Variants in DCC observed in about 807,000 individuals in gnomAD.
DCC encodes netrin receptor DCC.
A neutral mutation model predicts 172.5 loss-of-function variants in DCC; 58 were observed. That is an observed-to-expected ratio of 0.34 (90% CI 0.27 to 0.42). DCC has a LOEUF of 0.42. Ranked by LOEUF, DCC falls within the 10% of genes least tolerant of loss-of-function variation. DCC has a pLI of 1.00. For synonymous variants in DCC, 709 were observed against 644.5 expected (o/e 1.10, Z -1.52); for missense variants, 1,740 against 1,791.0 (o/e 0.97, Z 0.51).
chr18:52,360,013 G>A (rs2144266963), intron 1 of DCC, among the ~76,000 whole-genome samples: 1 of 152,194 alleles, frequency 6.6e-6, no homozygotes, highest in Non-Finnish European at 1.5e-5. Flanking sequence ...TAGATAAATA[G>A]ATGTTGTAGC....
chr18:52,907,239 A>ATG (rs1427431246), intron 3 of DCC, among the ~76,000 whole-genome samples: 29 of 33,738 alleles, frequency 8.6e-4, no homozygotes, highest in Non-Finnish European at 3.4e-4. Context: ...CTTGATAGAT[A>ATG]TCATATATAC....
intron 11 of DCC, among the ~76,000 whole-genome samples, chr18:53,211,421 T>C (rs770101320): frequency 3.9e-5 from 6 of 152,150 alleles, no homozygotes; most frequent in African/African-American, 1.4e-4. Context: ...GGAAAATGCT[T>C]ATAATTAAAT....
chr18:52,380,899 C>G (rs1380396447), intron 1 of DCC, among the ~76,000 whole-genome samples: 2 of 152,064 alleles, frequency 1.3e-5, no homozygotes, highest in African/African-American at 4.8e-5. Flanking sequence ...TAGTCTCTTT[C>G]AGCTAGGAGC....
chr18:52,492,655 CAT>C (rs1280525424), intron 1 of DCC, among the ~76,000 whole-genome samples: 1 of 151,892 alleles, frequency 6.6e-6, no homozygotes, highest in African/African-American at 2.4e-5. Context: ...AAAAAAAAGA[CAT>C]AATACTTTGC....
At chr18:53,276,660 G>A (rs555358179) in intron 12 of DCC, among the ~76,000 whole-genome samples, 2 of 152,224 alleles carry the variant, frequency 1.3e-5, no homozygotes, top group African/African-American at 4.8e-5. Flanking sequence ...ATGAAGGGAA[G>A]GGTCTGAGAT....
At chr18:52,893,426 G>A (rs2039681508) in intron 2 of DCC, among the ~76,000 whole-genome samples, 2 of 152,010 alleles carry the variant, frequency 1.3e-5, no homozygotes, top group Admixed American at 6.6e-5. Context: ...GTTAATAGAC[G>A]GTCAGATAGA....
At chr18:53,328,327 T>C (rs2144841091) in intron 14 of DCC, among the ~76,000 whole-genome samples, 2 of 152,318 alleles carry the variant, frequency 1.3e-5, no homozygotes, top group South Asian at 4.1e-4. Flanking sequence ...CAGCTCCATT[T>C]ACCCTATATT....
chr18:53,370,397 C>T (rs1358850388), intron 15 of DCC, among the ~76,000 whole-genome samples: 2 of 151,784 alleles, frequency 1.3e-5, no homozygotes, highest in Non-Finnish European at 3.0e-5. Context: ...AAAGAACTAG[C>T]TTTGGGTTTC....
chr18:52,474,647 C>T (rs1219278911), intron 1 of DCC, among the ~76,000 whole-genome samples: 2 of 152,146 alleles, frequency 1.3e-5, no homozygotes, highest in East Asian at 3.9e-4. Flanking sequence ...ACAGTGATTC[C>T]TGTAGAGTTG....
chr18:52,698,641 G>T, intron 1 of DCC, among the ~76,000 whole-genome samples: 1 of 151,770 alleles, frequency 6.6e-6, no homozygotes, highest in East Asian at 1.9e-4. Context: ...CACTCAGGCT[G>T]GAGTGCAATG....
chr18:52,558,923 G>A (rs1325893196), intron 1 of DCC, among the ~76,000 whole-genome samples: 1 of 152,142 alleles, frequency 6.6e-6, no homozygotes, highest in Non-Finnish European at 1.5e-5. Context: ...TGATAGACAA[G>A]GAAACCGAGG....
At chr18:52,649,329 T>C (rs1210950187) in intron 1 of DCC, among the ~76,000 whole-genome samples, 2 of 147,162 alleles carry the variant, frequency 1.4e-5, no homozygotes, top group African/African-American at 2.5e-5. Flanking sequence ...GCCGAGATTG[T>C]GCCACTGCAC....
At chr18:53,155,333 A>T (rs2144391166) in intron 7 of DCC, among the ~76,000 whole-genome samples, 1 of 152,292 alleles carries the variant, frequency 6.6e-6, no homozygotes, top group South Asian at 2.1e-4. Flanking sequence ...TGGACCACAA[A>T]AGCCGGTTTG....
chr18:52,479,577 T>TCCC (rs1312471041), intron 1 of DCC, among the ~76,000 whole-genome samples: 5 of 33,000 alleles, frequency 1.5e-4, no homozygotes, highest in East Asian at 1.8e-3. Flanking sequence ...CCTACCTCCC[T>TCCC]CCACCCCCCC....
At chr18:53,302,450 T>G (rs1255365847) in intron 12 of DCC, among the ~76,000 whole-genome samples, 2 of 152,222 alleles carry the variant, frequency 1.3e-5, no homozygotes, top group Admixed American at 1.3e-4. Flanking sequence ...TAAATGGAAT[T>G]AAACAGTATG....
At chr18:52,540,183 C>T (rs1020378240) in intron 1 of DCC, among the ~76,000 whole-genome samples, 3 of 152,164 alleles carry the variant, frequency 2.0e-5, no homozygotes, top group Non-Finnish European at 1.5e-5. Flanking sequence ...TGCCCATAAT[C>T]CAAGCACCTT....
intron 1 of DCC, among the ~76,000 whole-genome samples, chr18:52,595,542 A>G (rs548235682): frequency 1.4e-4 from 21 of 152,248 alleles, no homozygotes; most frequent in African/African-American, 5.1e-4. Context: ...TTCTTCCCTC[A>G]TTCAAATCCG....
intron 9 of DCC, among the ~76,000 whole-genome samples, chr18:53,189,802 G>A (rs1447164466): frequency 6.6e-6 from 1 of 152,214 alleles, no homozygotes; most frequent in Admixed American, 6.5e-5. Context: ...AGATTTTGCT[G>A]AAGGTGCCTG....
At chr18:52,760,805 T>G (rs1199891309) in intron 2 of DCC, among the ~76,000 whole-genome samples, 1 of 152,080 alleles carries the variant, frequency 6.6e-6, no homozygotes, top group Non-Finnish European at 1.5e-5. Context: ...AAACCTAGAG[T>G]GTGTCCTGGA....
Sources: allele counts gnomAD v4.1 joint callset (sites outside exome capture counted in the v4.1 genomes callset), GRCh38; gene constraint gnomAD v4.1.1; transcripts MANE v1.5; gene names NCBI Gene and HGNC (gene_info 2026-07-23, HGNC 2026-07-21).